The following MYH15 variants were observed in gnomAD, a reference collection of about 807,000 sequenced individuals.
MYH15 encodes myosin heavy chain 15, also known as myosin-15.
MYH15 carries 227 observed loss-of-function variants against 240.5 expected under a neutral mutation model. That is an observed-to-expected ratio of 0.94 (90% CI 0.85 to 1.05). The LOEUF (loss-of-function observed/expected upper bound fraction) is 1.05, where lower values mean the gene tolerates loss of function less well. Among genes scored for constraint, MYH15 ranks in the 50% least tolerant of loss-of-function variants. The pLI, the probability that MYH15 is intolerant of heterozygous loss-of-function variation, is 0.00. For missense variants in MYH15, 2,217 were observed against 2,247.5 expected, an observed-to-expected ratio of 0.99 and a Z score of 0.27; for synonymous variants, 785 against 796.7, an observed-to-expected ratio of 0.99 and a Z score of 0.25.
chr3:108,405,515 AC>A, intron 32 of MYH15, 62 bp from the exon 33 acceptor site: 4 of 1,093,154 alleles, frequency 3.7e-6, no homozygotes, highest in Non-Finnish European at 5.2e-6. Context: ...TGTATTTTTT[AC>A]CCAAAACATA....
In MYH15 at chr3:108,428,842, T is replaced by C; in HGVS notation, c.3352A>G (p.Arg1118Gly). ...KDLKEKLEAE[R>G]TTRAKMERER... ...CTTTCCATCTTGGCTCGAGTGGTCCTTTCAGCTTCTAGTTTCTCTTTCAAA... is the reference window on the plus strand; with the variant it reads ...CTTTCCATCTTGGCTCGAGTGGTCCCTTCAGCTTCTAGTTTCTCTTTCAAA... The change falls in exon 27 of 41, where the codon AGG (arginine) becomes GGG (glycine). Residue 1118 changes from arginine (R) to glycine (G), a missense_variant. Coordinates refer to ENST00000693548, the MANE Select transcript of MYH15 (RefSeq NM_014981.3). 1 of 1,611,664 alleles carries C rather than the reference T, an allele frequency of 6.2e-7. No homozygotes were observed. Among genetic ancestry groups the C allele is most frequent in the South Asian group, 1.1e-5 (1 of 90,384 alleles).
chr3:108,527,528 A>AT (rs1376729949), intron 1 of MYH15, among the ~76,000 whole-genome samples: 2 of 152,128 alleles, frequency 1.3e-5, no homozygotes, highest in African/African-American at 2.4e-5. Flanking sequence ...GAGTTTAATT[A>AT]TTTTTTTAAA....
At chr3:108,536,709 A>G in the MYH15 span, among the ~76,000 whole-genome samples, 151,806 of 152,330 alleles carry the variant, frequency 1, 75,642 homozygotes, top group Middle Eastern at 1. Context: ...GGTATGTCAA[A>G]TAGAATCTAA....
intron 7 of MYH15, among the ~76,000 whole-genome samples, chr3:108,495,133 C>A (rs1028815538): frequency 8.5e-5 from 13 of 152,198 alleles, no homozygotes; most frequent in Non-Finnish European, 1.8e-4. Context: ...CCCGGAGACT[C>A]AAATAGGAAG....
intron 36 of MYH15, 144 bp downstream of exon 36, chr3:108,393,887 G>T: frequency 8.5e-7 from 1 of 1,177,048 alleles, no homozygotes. Context: ...TGAGAACAGG[G>T]AGGCAGAGAG....
chr3:108,410,725 C>T lies in MYH15; in HGVS notation c.4353G>A (p.Lys1451=). 6.2e-7 allele frequency: 1 copy of T among 1,614,182 alleles called. No homozygotes were observed. Among genetic ancestry groups the T allele is most frequent in the Non-Finnish European group, 8.5e-7 (1 of 1,180,036 alleles). ...SGKALADWKQ[K]HEESQALLDA... ...CCAGCAACGCCTGGGACTCCTCGTGCTTCTGCTTCCAGTCGGCAAGGGCCT... is the reference window on the plus strand; with the variant it reads ...CCAGCAACGCCTGGGACTCCTCGTGTTTCTGCTTCCAGTCGGCAAGGGCCT... Residue 1451 remains lysine (K), a synonymous_variant, in exon 31 of 41, where the codon AAG becomes AAA. Transcript: ENST00000693548.
In MYH15 at chr3:108,510,544, A is replaced by G. The variant is rs1418665188; in HGVS notation, c.-14T>C. 2 of 1,613,532 alleles carry G rather than the reference A, an allele frequency of 1.2e-6. No homozygotes were observed. Among genetic ancestry groups the G allele is most frequent in the South Asian group, 1.1e-5 (1 of 91,020 alleles). ...TGACAGATCCATCTTTATTAAAGCA[A>G]TCCACCAAAAAAAGGCCCTAAACGT... On this transcript the variant is annotated 5_prime_UTR_variant, in exon 1 of 41. Coordinates refer to ENST00000693548, the MANE Select transcript of MYH15 (RefSeq NM_014981.3).
intron 21 of MYH15, among the ~76,000 whole-genome samples, chr3:108,453,517 A>C (rs1353842317): frequency 1.3e-5 from 2 of 152,238 alleles, no homozygotes; most frequent in African/African-American, 4.8e-5. Flanking sequence ...ATGTACAAGC[A>C]TGGTGATAAA....
At chr3:108,487,413 T>G (rs1357681895) in intron 9 of MYH15, among the ~76,000 whole-genome samples, 1 of 152,266 alleles carries the variant, frequency 6.6e-6, no homozygotes, top group Non-Finnish European at 1.5e-5. Flanking sequence ...CAAACTGTTG[T>G]ATATTCATAC....
At chr3:108,549,253 AT>A in the MYH15 span, among the ~76,000 whole-genome samples, 3 of 151,918 alleles carry the variant, frequency 2.0e-5, no homozygotes, top group Admixed American at 6.6e-5. Context: ...TAGAAAAAAA[AT>A]ATTTACACAC....
chr3:108,447,709 C>A (rs2082940213), intron 21 of MYH15, among the ~76,000 whole-genome samples: 1 of 152,100 alleles, frequency 6.6e-6, no homozygotes, highest in African/African-American at 2.4e-5. Context: ...ACTTGCCTTA[C>A]AAGAAATGCT....
chr3:108,498,602 C>T (rs1221093555), intron 5 of MYH15, among the ~76,000 whole-genome samples: 3 of 152,208 alleles, frequency 2.0e-5, no homozygotes, highest in African/African-American at 7.2e-5. Flanking sequence ...AACCAGCTAA[C>T]TTTGCAATGT....
At chr3:108,442,786 T>G (rs1259281331) in intron 22 of MYH15, among the ~76,000 whole-genome samples, 3 of 124,386 alleles carry the variant, frequency 2.4e-5, no homozygotes, top group Non-Finnish European at 3.5e-5. Flanking sequence ...TTTTTTTTTT[T>G]GGATTCTTTT....
intron 2 of MYH15, 78 bp from the exon 3 acceptor site, chr3:108,501,933 A>G: frequency 1.3e-6 from 2 of 1,487,264 alleles, no homozygotes; most frequent in South Asian, 2.4e-5. Context: ...TAGAAAGAAT[A>G]TTCAGACTCA....
At chr3:108,468,254 C>T (rs1313075775) in intron 14 of MYH15, among the ~76,000 whole-genome samples, 1 of 152,234 alleles carries the variant, frequency 6.6e-6, no homozygotes, top group Non-Finnish European at 1.5e-5. Context: ...GCATAAGCCA[C>T]TGCACCCAGC....
At chr3:108,480,599 C>G (rs1478820443) in intron 11 of MYH15, among the ~76,000 whole-genome samples, 1 of 152,028 alleles carries the variant, frequency 6.6e-6, no homozygotes, top group Non-Finnish European at 1.5e-5. Context: ...TTGCAGAATG[C>G]TGAAGTGTGA....
At chr3:108,497,381 A>G (rs2083399503) in intron 6 of MYH15, among the ~76,000 whole-genome samples, 1 of 152,158 alleles carries the variant, frequency 6.6e-6, no homozygotes, top group Non-Finnish European at 1.5e-5. Flanking sequence ...TGAGAGGTCT[A>G]ACAGCTCAAT....
intron 24 of MYH15, 35 bp downstream of exon 24, chr3:108,439,698 TAGAC>T (rs1560366503): frequency 6.8e-7 from 1 of 1,476,786 alleles, no homozygotes; most frequent in Non-Finnish European, 9.0e-7. Context: ...TGTGTATATG[TAGAC>T]AGATAGATAA....
At chr3:108,410,977 C>T in intron 30 of MYH15, 45 bp from the exon 31 acceptor site, 1 of 1,466,300 alleles carries the variant, frequency 6.8e-7, no homozygotes, top group Non-Finnish European at 9.3e-7. Flanking sequence ...CAATAACTCT[C>T]AGAGAGCTCA....
Sources: allele counts gnomAD v4.1 joint callset (sites outside exome capture counted in the v4.1 genomes callset), GRCh38; gene constraint gnomAD v4.1.1; transcripts MANE v1.5; gene names NCBI Gene and HGNC (gene_info 2026-07-23, HGNC 2026-07-21).